TMEM266: variants seen among roughly 807,000 people sequenced by gnomAD.
TMEM266 encodes transmembrane protein 266.
TMEM266 carries 33 observed loss-of-function variants against 50.5 expected under a neutral mutation model. The observed-to-expected ratio is 0.65, with a 90% CI of 0.50 to 0.87. The LOEUF is 0.87. Among genes scored for constraint, TMEM266 ranks in the 40% least tolerant of loss-of-function variants. The pLI is 0.00. For synonymous variants in TMEM266, 310 were observed against 292.3 expected (o/e 1.06, Z -0.62); for missense variants, 655 against 695.1 (o/e 0.94, Z 0.65).
intron 2 of TMEM266, 97 bp downstream of exon 2, chr15:76,134,398 T>C: frequency 3.7e-6 from 5 of 1,342,132 alleles, no homozygotes; most frequent in East Asian, 2.4e-5. Flanking sequence ...ACTATGTACA[T>C]TTCCTTTAGC....
chr15:76,177,452 C>T (rs951718936), intron 8 of TMEM266, among the ~76,000 whole-genome samples: 1 of 152,254 alleles, frequency 6.6e-6, no homozygotes, highest in African/African-American at 2.4e-5. Flanking sequence ...CAAAGTGATC[C>T]TGGGAAATGT....
chr15:76,125,915 A>T (rs1402773410), intron 1 of TMEM266, among the ~76,000 whole-genome samples: 4 of 151,936 alleles, frequency 2.6e-5, no homozygotes, highest in Admixed American at 6.6e-5. Context: ...CATTTCTCCA[A>T]AGGAGACACA....
chr15:76,156,499 G>A (rs546300851), intron 3 of TMEM266, 105 bp from the exon 4 acceptor site: 26 of 1,218,358 alleles, frequency 2.1e-5, no homozygotes, highest in East Asian at 2.1e-4. Flanking sequence ...GAGAGAGCCC[G>A]GGAGGAGTGA....
At chr15:76,198,856 A>G (rs1302108246) in intron 9 of TMEM266, among the ~76,000 whole-genome samples, 2 of 86,968 alleles carry the variant, frequency 2.3e-5, no homozygotes, top group African/African-American at 6.5e-5. Flanking sequence ...AGAGAAGTCC[A>G]GGCCAGCCTG....
intron 1 of TMEM266, among the ~76,000 whole-genome samples, chr15:76,103,984 G>C (rs1473001376): frequency 7.0e-6 from 1 of 141,914 alleles, no homozygotes; most frequent in African/African-American, 2.5e-5. Flanking sequence ...AAGGCGGGCA[G>C]ATCACGAGGT....
intron 3 of TMEM266, among the ~76,000 whole-genome samples, chr15:76,155,197 C>T (rs1371293521): frequency 1.3e-5 from 2 of 152,236 alleles, no homozygotes; most frequent in East Asian, 3.8e-4. Flanking sequence ...GAAGTGTGGC[C>T]TCCTGGGCTG....
chr15:76,150,087 C>T (rs969300308), intron 3 of TMEM266, among the ~76,000 whole-genome samples: 1 of 152,198 alleles, frequency 6.6e-6, no homozygotes, highest in Admixed American at 6.5e-5. Flanking sequence ...GGGCTTTAAC[C>T]TGGAGCCTGG....
intron 1 of TMEM266, among the ~76,000 whole-genome samples, chr15:76,132,566 C>T (rs28505386): frequency 0.22 from 31,960 of 144,868 alleles, 4,647 homozygotes; most frequent in African/African-American, 0.42. Flanking sequence ...GAGGCCGAGG[C>T]GGGCGGATCA....
At chr15:76,084,278 C>T (rs906560793) in intron 1 of TMEM266, among the ~76,000 whole-genome samples, 5 of 152,080 alleles carry the variant, frequency 3.3e-5, no homozygotes, top group African/African-American at 7.2e-5. Flanking sequence ...TGCACCACTG[C>T]TCTCCAGCCT....
intron 1 of TMEM266, among the ~76,000 whole-genome samples, chr15:76,115,129 C>T (rs2037228992): frequency 6.6e-6 from 1 of 152,080 alleles, no homozygotes; most frequent in South Asian, 2.1e-4. Context: ...AGAAATATCC[C>T]TTGTCTTTTT....
chr15:76,143,378 A>C (rs1402795696), intron 3 of TMEM266, among the ~76,000 whole-genome samples: 1 of 152,166 alleles, frequency 6.6e-6, no homozygotes, highest in Non-Finnish European at 1.5e-5. Context: ...ACACCATGGA[A>C]ACTGTTCTCA....
At chr15:76,171,578 T>C (rs1212599537) in intron 7 of TMEM266, among the ~76,000 whole-genome samples, 2 of 152,214 alleles carry the variant, frequency 1.3e-5, no homozygotes, top group Non-Finnish European at 2.9e-5. Context: ...AGGCTTTGTC[T>C]CACCTTTGAG....
At chr15:76,158,517 T>G (rs918940432) in intron 4 of TMEM266, among the ~76,000 whole-genome samples, 4 of 152,258 alleles carry the variant, frequency 2.6e-5, no homozygotes, top group African/African-American at 7.2e-5. Flanking sequence ...TGAGGAGAAC[T>G]GAGAACCCAG....
intron 8 of TMEM266, among the ~76,000 whole-genome samples, chr15:76,183,104 T>G (rs960556569): frequency 9.6e-5 from 1 of 10,452 alleles, no homozygotes; most frequent in African/African-American, 4.2e-4. Context: ...ATTTTGTGGC[T>G]TTTTTTTTTT....
chr15:76,100,917 C>G (rs2036990355), intron 1 of TMEM266, among the ~76,000 whole-genome samples: 1 of 151,690 alleles, frequency 6.6e-6, no homozygotes, highest in Admixed American at 6.6e-5. Context: ...ATTTCCTGTT[C>G]AATTGTAGGA....
intron 9 of TMEM266, among the ~76,000 whole-genome samples, chr15:76,195,527 C>T (rs75738171): frequency 0.015 from 2,211 of 152,306 alleles, 63 homozygotes; most frequent in African/African-American, 0.051. Flanking sequence ...TTGCCCACTT[C>T]GCCTGGCTTC....
At chr15:76,116,050 A>G (rs1480681637) in intron 1 of TMEM266, among the ~76,000 whole-genome samples, 4 of 152,184 alleles carry the variant, frequency 2.6e-5, no homozygotes, top group Admixed American at 2.0e-4. Flanking sequence ...TACTCTGTTT[A>G]AATTAACGAG....
At chr15:76,122,943 A>G (rs904285) in intron 1 of TMEM266, among the ~76,000 whole-genome samples, 3,718 of 152,300 alleles carry the variant, frequency 0.024, 137 homozygotes, top group African/African-American at 0.08. Flanking sequence ...GCTTTCTGAA[A>G]AGAGTAACTG....
At chr15:76,178,015 G>C (rs1186710745) in intron 8 of TMEM266, among the ~76,000 whole-genome samples, 1 of 152,248 alleles carries the variant, frequency 6.6e-6, no homozygotes, top group Non-Finnish European at 1.5e-5. Context: ...AACAGTGTGG[G>C]GTGTGCGAGT....
Sources: allele counts gnomAD v4.1 joint callset (sites outside exome capture counted in the v4.1 genomes callset), GRCh38; gene constraint gnomAD v4.1.1; transcripts MANE v1.5; gene names NCBI Gene and HGNC (gene_info 2026-07-23, HGNC 2026-07-21).